Variants in PPP1R42 observed in about 807,000 individuals in gnomAD.
PPP1R42 encodes the protein protein phosphatase 1 regulatory subunit 42, also known as leucine rich repeat containing 67.
A neutral mutation model predicts 31.0 loss-of-function variants in PPP1R42; 34 were observed. The ratio of observed to expected loss-of-function variants is 1.10; its 90% CI spans 0.83 to 1.46. PPP1R42 has a LOEUF of 1.46. PPP1R42 is among the 40% of genes most tolerant of loss of function. The pLI is 0.00. For missense variants in PPP1R42, 268 were observed against 303.0 expected (o/e 0.88, Z 0.86); for synonymous variants, 103 against 109.8 (o/e 0.94, Z 0.39).
chr8:66,978,947 T>C (rs918623199), intron 7 of PPP1R42, among the ~76,000 whole-genome samples: 2 of 152,220 alleles, frequency 1.3e-5, no homozygotes, highest in East Asian at 3.8e-4. Context: ...TTCTTGTATA[T>C]TCTGAATAAT....
chr8:67,025,336 T>C (rs537420349), intron 1 of PPP1R42, among the ~76,000 whole-genome samples: 2 of 152,006 alleles, frequency 1.3e-5, no homozygotes, highest in East Asian at 3.9e-4. Flanking sequence ...GGTCTCAAAC[T>C]CCTGGGCTCA....
intron 6 of PPP1R42, among the ~76,000 whole-genome samples, chr8:66,987,941 G>T (rs1212399122): frequency 6.6e-6 from 1 of 152,104 alleles, no homozygotes; most frequent in Admixed American, 6.5e-5. Context: ...CTCATAAAGG[G>T]TCTCGTCACC....
intron 7 of PPP1R42, among the ~76,000 whole-genome samples, chr8:66,980,856 T>C (rs1814809104): frequency 1.3e-5 from 2 of 152,018 alleles, no homozygotes; most frequent in South Asian, 4.2e-4. Context: ...TTTTTTTTTT[T>C]CTTTAAGACG....
At chr8:67,015,845 A>C (rs1182038824) in intron 2 of PPP1R42, among the ~76,000 whole-genome samples, 2 of 152,222 alleles carry the variant, frequency 1.3e-5, no homozygotes, top group Non-Finnish European at 1.5e-5. Context: ...CTGCTCAAAA[A>C]TTTCTCAGCC....
In PPP1R42 at chr8:67,012,881, A is replaced by G. The variant is rs577766241; in HGVS notation, c.435+77T>C. ...AAGAGGATGTACAATGTCCAAATATACCTTCACCACATTCCTGTTTCATTA... is the reference window on the plus strand; with the variant it reads ...AAGAGGATGTACAATGTCCAAATATGCCTTCACCACATTCCTGTTTCATTA... On this transcript the variant is annotated intron_variant, in intron 4 of 7. Transcript: ENST00000685739. 1.9e-4 allele frequency: 257 copies of G among 1,371,938 alleles called. No individual in the cohort carries two copies. In the Middle Eastern group the frequency reaches 6.6e-3, roughly 35 times the overall value. 85.0% of individuals were successfully genotyped at this position (1,371,938 alleles called of 1,614,324 possible).
At chr8:66,984,263 G>T in intron 6 of PPP1R42, 2 of 1,452,722 alleles carry the variant, frequency 1.4e-6, no homozygotes, top group Non-Finnish European at 9.7e-7. Flanking sequence ...CCAAAGCTCC[G>T]GTCTTTGGCT....
intron 6 of PPP1R42, chr8:66,985,367 G>C: frequency 1.3e-6 from 1 of 754,358 alleles, no homozygotes; most frequent in South Asian, 1.6e-5. Context: ...TCCGAAGAGG[G>C]AACAGCACGA....
At chr8:66,994,895 T>A (rs1261401901) in intron 5 of PPP1R42, among the ~76,000 whole-genome samples, 1 of 152,216 alleles carries the variant, frequency 6.6e-6, no homozygotes, top group African/African-American at 2.4e-5. Context: ...AGTTATTTCC[T>A]GTATTTTCTG....
chr8:66,980,953 C>T (rs1326017260), intron 7 of PPP1R42, among the ~76,000 whole-genome samples: 1 of 152,080 alleles, frequency 6.6e-6, no homozygotes, highest in African/African-American at 2.4e-5. Context: ...AGTGATTCTC[C>T]TGCCTCAGCC....
rs1001162846 is a variant in PPP1R42 at position 67,003,982 on chromosome 8, C to T, written c.552+6733G>A. On this transcript the variant is annotated intron_variant, in intron 5 of 7. Transcript: ENST00000685739. ...GCGGGCGCCTGTAGTCCCAGCTACTCGGGAGGCTGAGGAAGGAGAATGGCG... is the reference window on the plus strand; with the variant it reads ...GCGGGCGCCTGTAGTCCCAGCTACTTGGGAGGCTGAGGAAGGAGAATGGCG... Among the ~76,000 whole-genome samples the T allele has an allele frequency of 8.6e-5, 13 of 151,664 alleles. No homozygotes were observed. The South Asian group carries it at 1.7e-3, about 19-fold the overall frequency.
intron 1 of PPP1R42, among the ~76,000 whole-genome samples, chr8:67,019,322 AC>A (rs1467616092): frequency 7.1e-6 from 1 of 140,660 alleles, no homozygotes; most frequent in East Asian, 2.2e-4. Context: ...GCTCACTGCA[AC>A]CTCTGCCTCC....
chr8:67,012,965 G>A lies in PPP1R42; in HGVS notation c.428C>T (p.Ser143Phe). The A allele has an allele frequency of 6.3e-7, 1 of 1,598,290 alleles. No individual in the cohort carries two copies. The highest frequency in any genetic ancestry group is 1.7e-4 in the Middle Eastern group (1 of 5,956). ...ATTCAAATGTGAACTTACTGCCAGA[G>A]AATGAAGAGTTCTTGGATCAAACAG... ...KLLFDPRTLH[S>F]LAKSLCILNI... The change falls in exon 4 of 8, where the codon TCT (serine) becomes TTT (phenylalanine). Residue 143 changes from serine (S) to phenylalanine (F), a missense_variant. Physicochemically the swap from Ser to Phe is radical, Grantham distance 155. Coordinates refer to ENST00000685739, the MANE Select transcript of PPP1R42 (RefSeq NM_001364910.1).
In PPP1R42 at chr8:67,007,884, CTTT is replaced by C. The variant is rs1157477422; in HGVS notation, c.552+2828_552+2830del. On this transcript the variant is annotated intron_variant, in intron 5 of 7. Coordinates refer to ENST00000685739, the MANE Select transcript of PPP1R42 (RefSeq NM_001364910.1). ...AGTGATGCTGACATTGTAACTGTTC[CTTT>C]TTTTTTTTTTTTTTTTTTGAGACGG... Among the ~76,000 whole-genome samples, 21 of 133,114 alleles carry C rather than the reference CTTT, an allele frequency of 1.6e-4. No individual in the cohort carries two copies. The East Asian group carries it at 3.4e-3, about 22-fold the overall frequency. 87.3% of individuals were successfully genotyped at this position (133,114 alleles called of 152,430 possible). A position where few individuals can be genotyped will look rare whatever the true frequency, so the allele number is the denominator to read the frequency against.
At chr8:66,990,363 A>C (rs1815154820) in intron 5 of PPP1R42, among the ~76,000 whole-genome samples, 1 of 152,212 alleles carries the variant, frequency 6.6e-6, no homozygotes, top group Non-Finnish European at 1.5e-5. Context: ...GACCTTCGAC[A>C]TACTCCCTCC....
rs1391758776 is a variant in PPP1R42, at chr8:67,017,651, TATGA to T, written c.93_96del (p.His32Ter). 6.4e-7 allele frequency: 1 copy of T among 1,572,214 alleles called. No individual in the cohort carries two copies. The highest frequency in any genetic ancestry group is 8.6e-7 in the Non-Finnish European group (1 of 1,160,288). On this transcript the variant is annotated frameshift_variant, in exon 2 of 8. Coordinates refer to ENST00000685739, the MANE Select transcript of PPP1R42 (RefSeq NM_001364910.1). LOFTEE classifies it high-confidence loss of function. ...TCTATATTTTTGTCTGAAAAATTTA[TATGA>T]GTTATTTTCTTCAGGCACTGTGAAA... is the stretch of plus-strand genomic sequence containing the variant.
intron 7 of PPP1R42, among the ~76,000 whole-genome samples, chr8:66,964,881 T>C (rs1293886944): frequency 6.6e-6 from 1 of 152,176 alleles, no homozygotes; most frequent in Non-Finnish European, 1.5e-5. Context: ...GCAATAAAGA[T>C]ACAGAACATT....
At chr8:67,024,568 G>A (rs557610088) in intron 1 of PPP1R42, among the ~76,000 whole-genome samples, 9 of 150,982 alleles carry the variant, frequency 6.0e-5, no homozygotes, top group East Asian at 2.0e-4. Flanking sequence ...TCCCCATCCC[G>A]GGTTCAAGTG....
At chr8:66,992,496 G>A (rs1027280053) in intron 5 of PPP1R42, among the ~76,000 whole-genome samples, 2 of 152,164 alleles carry the variant, frequency 1.3e-5, no homozygotes, top group Non-Finnish European at 2.9e-5. Context: ...TGCAGTGACA[G>A]TCTTCCCCAT....
chr8:66,964,690 T>A (rs1348487568), intron 7 of PPP1R42, among the ~76,000 whole-genome samples: 1 of 152,180 alleles, frequency 6.6e-6, no homozygotes, highest in Admixed American at 6.5e-5. Flanking sequence ...TATTCCATAT[T>A]GTTTTTATAT....
Sources: gnomAD v4.1 joint callset for allele counts (sites outside exome capture counted in the v4.1 genomes callset) on GRCh38, gnomAD v4.1.1 for gene constraint, MANE v1.5 for transcripts, NCBI Gene and HGNC (gene_info 2026-07-23, HGNC 2026-07-21) for gene names.